ZNF770: variants seen among roughly 807,000 people sequenced by gnomAD.
The protein encoded by ZNF770 is zinc finger protein 770.
A neutral mutation model predicts 44.8 loss-of-function variants in ZNF770; 13 were observed. That is an observed-to-expected ratio of 0.29 (90% CI 0.19 to 0.46). The LOEUF (loss-of-function observed/expected upper bound fraction) is 0.46. ZNF770 is among the 20% of genes least tolerant of loss of function. ZNF770 has a pLI of 1.00. For missense variants in ZNF770, 681 were observed against 797.9 expected (o/e 0.85, Z 1.77); for synonymous variants, 304 against 271.8 (o/e 1.12, Z -1.17).
At position 34,986,167 on chromosome 15, in the gene ZNF770, CAAGT is replaced by C. The variant is rs1370545542; in HGVS notation, c.-57+1386_-57+1389del. Reference sequence around the variant, plus strand: ...TATGAGACAAGATTACTAAAGAAAGCAAGTGTCTGGTTTTCTTCACTTGACCCAT... The same window carrying C: ...TATGAGACAAGATTACTAAAGAAAGCGTCTGGTTTTCTTCACTTGACCCAT... On this transcript the variant is annotated intron_variant, in intron 2 of 2. Coordinates refer to ENST00000356321, the MANE Select transcript of ZNF770 (RefSeq NM_014106.4). 5.9e-5 allele frequency among the ~76,000 whole-genome samples: 9 copies of C among 152,188 alleles called. No homozygotes were observed. In the East Asian group the frequency reaches 1.4e-3, roughly 23 times the overall value.
chr15:34,983,002 A>G lies in ZNF770; in HGVS notation c.433T>C (p.Ser145Pro), dbSNP rs775578497. The change falls in exon 3 of 3, where the codon TCT becomes CCT. Residue 145 changes from serine (S) to proline (P), a missense_variant. By Grantham distance (74) the Ser-to-Pro change is moderately conservative. This residue lies in a region of ZNF770 where 432 missense variants were observed against 434.1 expected (regional missense o/e 1.00). Coordinates refer to ENST00000356321, the MANE Select transcript of ZNF770 (RefSeq NM_014106.4). Reference protein sequence around the residue: ...TEERWALHPCSKSDPMYSMKR... With the variant: ...TEERWALHPCPKSDPMYSMKR... ...ATGCTATACATGGGATCAGACTTAG[A>G]GCACGGGTGTAATGCCCATCTTTCC... 3 of 1,614,098 alleles carry G rather than the reference A, an allele frequency of 1.9e-6. No homozygotes were observed. The Admixed American group carries it at 5.0e-5, about 27-fold the overall frequency.
intron 2 of ZNF770, among the ~76,000 whole-genome samples, chr15:34,984,668 C>A (rs977840593): frequency 1.4e-4 from 21 of 150,782 alleles, no homozygotes; most frequent in Non-Finnish European, 2.7e-4. Flanking sequence ...AAAAAAAATT[C>A]TCCTTTTCAC....
At position 34,980,448 on chromosome 15, in the gene ZNF770, G is replaced by T. The variant is rs1326392053; in HGVS notation, c.*911C>A. On this transcript the variant is annotated 3_prime_UTR_variant, in exon 3 of 3. Coordinates refer to ENST00000356321, the MANE Select transcript of ZNF770 (RefSeq NM_014106.4). ...GAGAAAAAAAAAATCCTTATCACCTGAAGGTGAAATTACCACATAGTCCTA... is the reference window on the plus strand; with the variant it reads ...GAGAAAAAAAAAATCCTTATCACCTTAAGGTGAAATTACCACATAGTCCTA... 1.3e-5 allele frequency: 2 copies of T among 152,080 alleles called. No homozygotes were observed. The highest frequency in any genetic ancestry group is 4.8e-5 in the African/African-American group (2 of 41,418). 9.4% of individuals were successfully genotyped at this position (152,080 alleles called of 1,614,324 possible). A position where few individuals can be genotyped will look rare whatever the true frequency, so the allele number is the denominator to read the frequency against.
At chr15:34,985,251 T>A (rs1352233996) in intron 2 of ZNF770, among the ~76,000 whole-genome samples, 1 of 151,882 alleles carries the variant, frequency 6.6e-6, no homozygotes, top group African/African-American at 2.4e-5. Flanking sequence ...TGCCCTTAAA[T>A]AAAGGAGTCA....
chr15:34,983,803 TATTTC>T (rs2050417764), intron 2 of ZNF770, among the ~76,000 whole-genome samples: 2 of 152,360 alleles, frequency 1.3e-5, no homozygotes, highest in South Asian at 4.1e-4. Flanking sequence ...CCAATTTTCC[TATTTC>T]ATTATTAGGT....
chr15:34,978,376 A>G lies in ZNF770; in HGVS notation c.*2983T>C, dbSNP rs544710180. 1 of 147,346 alleles carries G rather than the reference A, an allele frequency of 6.8e-6. No individual in the cohort carries two copies. Among genetic ancestry groups the G allele is most frequent in the African/African-American group, 2.6e-5 (1 of 38,584 alleles). The allele number at this position is 147,346 out of a possible 1,614,324, so 9.1% of individuals were successfully genotyped here. ...GGAACTTTATTTTTAAAGTATTCTG[A>G]AAATTTTCCAAGAATTTTAACCACC... On this transcript the variant is annotated 3_prime_UTR_variant, in exon 3 of 3. Transcript: ENST00000356321.
Position 34,981,677 on chromosome 15 carries a change from A to T in ZNF770, c.1758T>A (p.Asp586Glu). Residue 586 changes from aspartate to glutamate, a missense_variant, in exon 3 of 3, where the codon GAT (aspartate) becomes GAA (glutamate). Asp to Glu is a conservative substitution (Grantham distance 45). Transcript: ENST00000356321. ...GTTGCCCGGTGCTACCAGGAATAAAATCCTGTGACTCTGCCTTAACTCCTG... is the reference window on the plus strand; with the variant it reads ...GTTGCCCGGTGCTACCAGGAATAAATTCCTGTGACTCTGCCTTAACTCCTG... ...QMSGVKAESQDFIPGSTGQPC... is the reference protein window; with the variant it reads ...QMSGVKAESQEFIPGSTGQPC... The T allele has an allele frequency of 6.2e-7, 1 of 1,614,104 alleles. No individual in the cohort carries two copies. Among genetic ancestry groups the T allele is most frequent in the Non-Finnish European group, 8.5e-7 (1 of 1,180,016 alleles).
At chr15:34,985,133 CAA>C (rs59814718) in intron 2 of ZNF770, among the ~76,000 whole-genome samples, 25,586 of 105,382 alleles carry the variant, frequency 0.24, 2,727 homozygotes, top group African/African-American at 0.36. Flanking sequence ...GAGACTGTCT[CAA>C]AAAAAAAAAA....
In ZNF770 at chr15:34,981,988, C is replaced by T. The variant is rs1157157628; in HGVS notation, c.1447G>A (p.Val483Ile). ...TTTAGTTTGGATATAGAAGGAAATA[C>T]CTTCTCACATTTGTCACAAGGACAT... The part of the protein sequence containing the change: ...KICPCDKCEK[V>I]FPSISKLKRH... The change falls in exon 3 of 3, where the codon GTA becomes ATA. Residue 483 changes from valine (V) to isoleucine (I), a missense_variant. Around this residue, in one of 5 missense-constraint regions of ZNF770, gnomAD observed 148 missense variants for 191.0 expected, o/e 0.77. Coordinates refer to ENST00000356321, the MANE Select transcript of ZNF770 (RefSeq NM_014106.4). 2 of 1,613,796 alleles carry T rather than the reference C, an allele frequency of 1.2e-6. No individual in the cohort carries two copies. The highest frequency in any genetic ancestry group is 1.1e-5 in the South Asian group (1 of 91,014).
rs779835121 is a variant in ZNF770 at position 34,982,802 on chromosome 15, T to C, written c.633A>G (p.Ser211=). 2.6e-5 allele frequency: 42 copies of C among 1,613,822 alleles called. No homozygotes were observed. The South Asian group carries it at 4.2e-4, about 16-fold the overall frequency. ...AACAACATTGAAAAGGTCTTTCTTCTGAATGTGTAAGTTGGTGGATTTTTA... is the reference window on the plus strand; with the variant it reads ...AACAACATTGAAAAGGTCTTTCTTCCGAATGTGTAAGTTGGTGGATTTTTA... ...THLKIHQLTH[S]EERPFQCCFC... Residue 211 remains serine (S), a synonymous_variant, in exon 3 of 3, where the codon TCA becomes TCG. Coordinates refer to ENST00000356321, the MANE Select transcript of ZNF770 (RefSeq NM_014106.4).
Position 34,983,232 on chromosome 15 carries a change from A to T in ZNF770, c.203T>A (p.Val68Asp). The T allele has an allele frequency of 6.2e-7, 1 of 1,613,134 alleles. No individual in the cohort carries two copies. Among genetic ancestry groups the T allele is most frequent in the Non-Finnish European group, 8.5e-7 (1 of 1,179,254 alleles). The change falls in exon 3 of 3, where the codon GTT becomes GAT. Residue 68 changes from valine (V) to aspartate (D), a missense_variant. By Grantham distance (152) the Val-to-Asp change is radical (BLOSUM62 -3). Transcript: ENST00000356321. ...AGTTAGTTGATGCCTCTCCAGATGA[A>T]CTAGTTGTCTAAAGGTTTTATGACA... ...DVCHKTFRQL[V>D]HLERHQLTHS... is the part of the protein sequence containing the mutation.
At chr15:34,984,475 T>C (rs1046568413) in intron 2 of ZNF770, among the ~76,000 whole-genome samples, 1 of 149,336 alleles carries the variant, frequency 6.7e-6, no homozygotes, top group African/African-American at 2.4e-5. Flanking sequence ...CTGGCCAACA[T>C]GGTGAAACCC....
intron 2 of ZNF770, among the ~76,000 whole-genome samples, chr15:34,987,225 C>T (rs1263186238): frequency 1.3e-5 from 2 of 152,228 alleles, no homozygotes; most frequent in African/African-American, 4.8e-5. Context: ...ATTGTTAGCA[C>T]TAAGATTGGA....
In ZNF770 at chr15:34,981,658, C is replaced by T. The variant is rs144115406; in HGVS notation, c.1777G>A (p.Gly593Arg). 13 of 1,613,916 alleles carry T rather than the reference C, an allele frequency of 8.1e-6. No individual in the cohort carries two copies. The highest frequency in any genetic ancestry group is 4.4e-5 in the South Asian group (4 of 91,080). Residue 593 changes from glycine to arginine, a missense_variant, in exon 3 of 3, where the codon GGG becomes AGG. Gly to Arg is a moderately radical substitution (Grantham distance 125, BLOSUM62 -2). Coordinates refer to ENST00000356321, the MANE Select transcript of ZNF770 (RefSeq NM_014106.4). Reference sequence around the variant, plus strand: ...AGTACATTAGGAAGACAGGGTTGCCCGGTGCTACCAGGAATAAAATCCTGT... The same window carrying T: ...AGTACATTAGGAAGACAGGGTTGCCTGGTGCTACCAGGAATAAAATCCTGT... ...ESQDFIPGST[G>R]QPCLPNVLLE...
In ZNF770 at chr15:34,979,838, G is replaced by A. The variant is rs1478814673; in HGVS notation, c.*1521C>T. 14 of 305,082 alleles carry A rather than the reference G, an allele frequency of 4.6e-5. No individual in the cohort carries two copies. The highest frequency in any genetic ancestry group is 4.2e-4 in the Middle Eastern group (1 of 2,370). The allele number at this position is 305,082 out of a possible 1,614,324, so 18.9% of individuals were successfully genotyped here. A position where few individuals can be genotyped will look rare whatever the true frequency, so the allele number is the denominator to read the frequency against. On this transcript the variant is annotated 3_prime_UTR_variant, in exon 3 of 3. Coordinates refer to ENST00000356321, the MANE Select transcript of ZNF770 (RefSeq NM_014106.4). ...ACGGTTCATTCCTTTTATTGCTAGAGAATGTCATTCCTGAAGATTTTATAA... is the reference window on the plus strand; with the variant it reads ...ACGGTTCATTCCTTTTATTGCTAGAAAATGTCATTCCTGAAGATTTTATAA...
rs1449021299 is a variant in ZNF770, at chr15:34,978,870, A to C, written c.*2489T>G. On this transcript the variant is annotated 3_prime_UTR_variant, in exon 3 of 3. Transcript: ENST00000356321. ...TGACATATTTGTATATAACCAACGC[A>C]CATCCGCCTGTATACTTTATCCCTA... is the stretch of plus-strand genomic sequence containing the variant. 1 of 152,186 alleles carries C rather than the reference A, an allele frequency of 6.6e-6. No homozygotes were observed. Among genetic ancestry groups the C allele is most frequent in the Admixed American group, 6.5e-5 (1 of 15,270 alleles). The allele number at this position is 152,186 out of a possible 1,614,324, so 9.4% of individuals were successfully genotyped here. A position where few individuals can be genotyped will look rare whatever the true frequency, so the allele number is the denominator to read the frequency against.
chr15:34,983,235 A>C lies in ZNF770; in HGVS notation c.200T>G (p.Leu67Arg), dbSNP rs2050414675. ...TAGTTGATGCCTCTCCAGATGAACT[A>C]GTTGTCTAAAGGTTTTATGACACAC... ...CDVCHKTFRQLVHLERHQLTH... is the reference protein window; with the variant it reads ...CDVCHKTFRQRVHLERHQLTH... The change falls in exon 3 of 3, where the codon CTA (leucine) becomes CGA (arginine). Residue 67 changes from leucine (L) to arginine (R), a missense_variant. By Grantham distance (102) the Leu-to-Arg change is moderately radical. Coordinates refer to ENST00000356321, the MANE Select transcript of ZNF770 (RefSeq NM_014106.4). The C allele has an allele frequency of 1.2e-6, 2 of 1,612,994 alleles. No homozygotes were observed. Among genetic ancestry groups the C allele is most frequent in the Non-Finnish European group, 8.5e-7 (1 of 1,179,258 alleles).
At position 34,982,688 on chromosome 15, in the gene ZNF770, T is replaced by C. The variant is rs2050410486; in HGVS notation, c.747A>G (p.Leu249=). The C allele has an allele frequency of 6.2e-7, 1 of 1,612,768 alleles. No individual in the cohort carries two copies. The highest frequency in any genetic ancestry group is 1.3e-5 in the African/African-American group (1 of 74,988). Residue 249 remains leucine, a synonymous_variant, in exon 3 of 3, where the codon TTA becomes TTG. Transcript: ENST00000356321. ...GGCGAGATTCTGTACGCCTCTTCTT[T>C]AATAAAAGAGCCCGAAAAGCCTTAT... is the stretch of plus-strand genomic sequence containing the variant. ...TRNKAFRALL[L]KKRRTESRPL... is the part of the protein sequence containing the mutation.
Position 34,982,146 on chromosome 15 carries a change from C to G in ZNF770, c.1289G>C (p.Ser430Thr), listed in dbSNP as rs748279113. ...KGILTTENILSIDNSVNKKDL... is the reference protein window; with the variant it reads ...KGILTTENILTIDNSVNKKDL... The stretch of plus-strand genomic sequence containing the variant: ...TTTCTTATTCACTGAATTATCAATG[C>G]TTAATATGTTTTCTGTCGTAAGGAT... The change falls in exon 3 of 3, where the codon AGC (serine) becomes ACC (threonine). Residue 430 changes from serine to threonine, a missense_variant. Around this residue, in one of 5 missense-constraint regions of ZNF770, gnomAD observed 432 missense variants for 434.1 expected, o/e 1.00. Coordinates refer to ENST00000356321, the MANE Select transcript of ZNF770 (RefSeq NM_014106.4). The G allele has an allele frequency of 1.2e-6, 2 of 1,613,904 alleles. No individual in the cohort carries two copies. The highest frequency in any genetic ancestry group is 1.7e-5 in the Admixed American group (1 of 59,996).
Sources: gnomAD v4.1 joint callset for allele counts (sites outside exome capture counted in the v4.1 genomes callset) on GRCh38, gnomAD v4.1.1 for gene constraint, gnomAD v4.1.1 regional missense constraint, MANE v1.5 for transcripts, NCBI Gene and HGNC (gene_info 2026-07-23, HGNC 2026-07-21) for gene names.